Variants in CTNND2 observed in about 807,000 individuals in gnomAD.
CTNND2 encodes catenin delta-2.
A neutral mutation model predicts 144.4 loss-of-function variants in CTNND2; 22 were observed. The observed-to-expected ratio is 0.15, with a 90% CI of 0.11 to 0.22. The LOEUF (loss-of-function observed/expected upper bound fraction) is 0.22, where lower values mean the gene tolerates loss of function less well. CTNND2 is among the 10% of genes least tolerant of loss of function. The pLI, the probability that CTNND2 is intolerant of heterozygous loss-of-function variation, is 1.00. For synonymous variants in CTNND2, 751 were observed against 695.6 expected, an observed-to-expected ratio of 1.08 and a Z score of -1.25; for missense variants, 1,353 against 1,618.8, an observed-to-expected ratio of 0.84 and a Z score of 2.82.
intron 1 of CTNND2, among the ~76,000 whole-genome samples, chr5:11,807,873 ATAT>A (rs1348027745): frequency 1.3e-5 from 2 of 152,182 alleles, no homozygotes; most frequent in African/African-American, 4.8e-5. Context: ...AAATTAACTT[ATAT>A]TATTAATGAT....
chr5:11,620,386 G>C (rs1351700800), intron 2 of CTNND2, among the ~76,000 whole-genome samples: 1 of 152,130 alleles, frequency 6.6e-6, no homozygotes, highest in African/African-American at 2.4e-5. Context: ...GTCATCCCAG[G>C]GGCAGAGAGC....
rs1354006923 is a variant in CTNND2 at position 10,974,000 on chromosome 5, AT to A, written c.3418-288del. ...TGAAGTGTAAGATTAATTAGGTGGC[AT>A]TAAGAACATTCACAGTGTTGTGCAA... On this transcript the variant is annotated intron_variant, in intron 21 of 21. Transcript: ENST00000304623. The surrounding 1 kb of genome is among the most constrained non-coding windows in gnomAD (Gnocchi z 5.6). Among the ~76,000 whole-genome samples, 2 of 152,232 alleles carry A rather than the reference AT, an allele frequency of 1.3e-5. No individual in the cohort carries two copies. Among genetic ancestry groups the A allele is most frequent in the Non-Finnish European group, 2.9e-5 (2 of 68,042 alleles).
intron 2 of CTNND2, among the ~76,000 whole-genome samples, chr5:11,727,143 C>T (rs1787067906): frequency 6.6e-6 from 1 of 152,152 alleles, no homozygotes; most frequent in African/African-American, 2.4e-5. Context: ...TTTTCTGATG[C>T]ACAGGGTTAA....
chr5:11,662,197 G>GTATATATGTA lies in CTNND2; in HGVS notation c.174+69929_174+69938dup, dbSNP rs1175483166. Among the ~76,000 whole-genome samples, 5 of 130,106 alleles carry GTATATATGTA rather than the reference G, an allele frequency of 3.8e-5. No homozygotes were observed. The South Asian group carries it at 1.2e-3, about 31-fold the overall frequency. The allele number at this position is 130,106 out of a possible 152,430, so 85.4% of individuals were successfully genotyped here. A position where few individuals can be genotyped will look rare whatever the true frequency, so the allele number is the denominator to read the frequency against. On this transcript the variant is annotated intron_variant, in intron 2 of 21. Coordinates refer to ENST00000304623, the MANE Select transcript of CTNND2 (RefSeq NM_001332.4). ...TATATACATATATGTGTATATATGTGTATATATGTATATATATACATATAT... is the reference window on the plus strand; with the variant it reads ...TATATACATATATGTGTATATATGTGTATATATGTATATATATGTATATATATACATATAT...
intron 11 of CTNND2, among the ~76,000 whole-genome samples, chr5:11,187,536 T>C (rs1423733850): frequency 2.0e-5 from 3 of 152,098 alleles, no homozygotes; most frequent in African/African-American, 4.8e-5. Flanking sequence ...ATTCAGGACA[T>C]AGGCACGGGT....
At chr5:11,492,833 T>A (rs777445157) in intron 3 of CTNND2, among the ~76,000 whole-genome samples, 30 of 152,048 alleles carry the variant, frequency 2.0e-4, no homozygotes, top group Non-Finnish European at 3.5e-4. Flanking sequence ...CACTTTGGGA[T>A]GCTGAGGGGG....
chr5:11,137,325 C>T (rs75142977), intron 12 of CTNND2, among the ~76,000 whole-genome samples: 18 of 152,000 alleles, frequency 1.2e-4, no homozygotes, highest in African/African-American at 2.7e-4. Context: ...ATTCAGAGTC[C>T]GGAAATTTGA....
At chr5:11,016,863 C>T (rs1741659062) in intron 18 of CTNND2, among the ~76,000 whole-genome samples, 1 of 152,060 alleles carries the variant, frequency 6.6e-6, no homozygotes, top group East Asian at 1.9e-4. Flanking sequence ...CTCTGCCTCC[C>T]AGGTTCAAGT....
chr5:11,348,321 C>T (rs1754995913), intron 8 of CTNND2, among the ~76,000 whole-genome samples: 1 of 150,926 alleles, frequency 6.6e-6, no homozygotes, highest in South Asian at 2.1e-4. Flanking sequence ...TTATATTATG[C>T]TGAAAGGGGT....
chr5:11,555,749 T>C (rs1257617478), intron 3 of CTNND2, among the ~76,000 whole-genome samples: 3 of 152,038 alleles, frequency 2.0e-5, no homozygotes, highest in Non-Finnish European at 4.4e-5. Context: ...AAAGGGGTTA[T>C]GACAAGAAGA....
intron 1 of CTNND2, among the ~76,000 whole-genome samples, chr5:11,817,892 T>C (rs1272824229): frequency 3.3e-5 from 5 of 150,752 alleles, no homozygotes; most frequent in Non-Finnish European, 5.9e-5. Flanking sequence ...GATTCGGAAA[T>C]GGCAGATACA....
chr5:11,515,120 A>AAC (rs952970679), intron 3 of CTNND2, among the ~76,000 whole-genome samples: 21 of 151,912 alleles, frequency 1.4e-4, no homozygotes, highest in South Asian at 4.2e-4. Context: ...CCAAAAAAAA[A>AAC]AAAAAACGCA....
intron 1 of CTNND2, among the ~76,000 whole-genome samples, chr5:11,757,268 G>C (rs578140450): frequency 1.3e-5 from 2 of 151,442 alleles, no homozygotes; most frequent in East Asian, 1.9e-4. Flanking sequence ...GGATGTCTTC[G>C]AGACCATTTC....
intron 15 of CTNND2, among the ~76,000 whole-genome samples, chr5:11,095,335 CTTCT>C (rs774341107): frequency 9.2e-5 from 14 of 152,308 alleles, no homozygotes; most frequent in Middle Eastern, 6.8e-3. Flanking sequence ...TCTCTCATAA[CTTCT>C]TTCTATCAAT....
chr5:11,864,821 T>C (rs541968720), intron 1 of CTNND2, among the ~76,000 whole-genome samples: 1 of 151,266 alleles, frequency 6.6e-6, no homozygotes, highest in South Asian at 2.1e-4. Context: ...ACTTGAGAGC[T>C]ACTAGTCTAC....
rs75333755 is a variant in CTNND2, at chr5:11,728,605, T to C, written c.174+3531A>G. ...TTTGAATCACCAATATCCTAAATAATGGTACTCAAAAAATCCTCTAAAATC... is the reference window on the plus strand; with the variant it reads ...TTTGAATCACCAATATCCTAAATAACGGTACTCAAAAAATCCTCTAAAATC... On this transcript the variant is annotated intron_variant, in intron 2 of 21. Coordinates refer to ENST00000304623, the MANE Select transcript of CTNND2 (RefSeq NM_001332.4). Among the ~76,000 whole-genome samples, 1,225 of 152,224 alleles carry C rather than the reference T, an allele frequency of 8.0e-3. 12 individuals are homozygous for C. Among genetic ancestry groups the C allele is most frequent in the African/African-American group, 0.028 (1,148 of 41,534 alleles).
chr5:11,065,114 G>T (rs923358997), intron 16 of CTNND2, among the ~76,000 whole-genome samples: 3 of 152,220 alleles, frequency 2.0e-5, no homozygotes, highest in African/African-American at 7.2e-5. Context: ...GGTGGAGGTG[G>T]CCTTTGGAGA....
At chr5:11,353,888 A>T (rs1755598399) in intron 8 of CTNND2, among the ~76,000 whole-genome samples, 2 of 152,176 alleles carry the variant, frequency 1.3e-5, no homozygotes, top group Non-Finnish European at 1.5e-5. Context: ...AATTGAAGAC[A>T]GAAAGGGATT....
chr5:11,258,017 A>G (rs1744453467), intron 9 of CTNND2, among the ~76,000 whole-genome samples: 1 of 152,112 alleles, frequency 6.6e-6, no homozygotes, highest in Admixed American at 6.6e-5. Flanking sequence ...CCTGGGGGAG[A>G]ATAATGCTCT....
Sources: allele counts gnomAD v4.1 joint callset (sites outside exome capture counted in the v4.1 genomes callset), GRCh38; gene constraint gnomAD v4.1.1; non-coding constraint Gnocchi (gnomAD v3.1); transcripts MANE v1.5; gene names NCBI Gene and HGNC (gene_info 2026-07-23, HGNC 2026-07-21).